Variants in CACNA2D3 observed in about 807,000 individuals in gnomAD.
CACNA2D3 encodes calcium voltage-gated channel auxiliary subunit alpha2delta 3.
Under a neutral mutation model 160.6 loss-of-function variants are expected in CACNA2D3, and 60 were observed. The ratio of observed to expected loss-of-function variants is 0.37; its 90% CI spans 0.30 to 0.46. The LOEUF is 0.46. Among genes scored for constraint, CACNA2D3 ranks in the 20% least tolerant of loss-of-function variants. The pLI is 1.00. For missense variants in CACNA2D3, 1,205 were observed against 1,365.0 expected, an observed-to-expected ratio of 0.88 and a Z score of 1.85; for synonymous variants, 558 against 492.9, an observed-to-expected ratio of 1.13 and a Z score of -1.75.
intron 3 of CACNA2D3, among the ~76,000 whole-genome samples, chr3:54,342,534 A>G (rs1253692903): frequency 6.6e-6 from 1 of 152,130 alleles, no homozygotes; most frequent in Non-Finnish European, 1.5e-5. Context: ...TCCCGGGTAC[A>G]GTGTGATTGG....
chr3:54,779,034 T>G (rs1702481506), intron 13 of CACNA2D3, among the ~76,000 whole-genome samples: 1 of 152,196 alleles, frequency 6.6e-6, no homozygotes, highest in African/African-American at 2.4e-5. Context: ...TGTGTCATTG[T>G]TAAGATAAAA....
At chr3:54,187,774 G>T (rs1047453883) in intron 2 of CACNA2D3, among the ~76,000 whole-genome samples, 1 of 152,070 alleles carries the variant, frequency 6.6e-6, no homozygotes, top group Non-Finnish European at 1.5e-5. Flanking sequence ...TGAATCCCTC[G>T]CATGCACAGT....
intron 2 of CACNA2D3, among the ~76,000 whole-genome samples, chr3:54,295,757 C>T (rs1259290744): frequency 1.3e-5 from 2 of 152,226 alleles, no homozygotes; most frequent in East Asian, 3.9e-4. Flanking sequence ...TGTGCCTGTC[C>T]CTTGTCCACA....
chr3:54,979,249 T>C (rs549592058), intron 29 of CACNA2D3, among the ~76,000 whole-genome samples: 9 of 152,012 alleles, frequency 5.9e-5, no homozygotes, highest in Non-Finnish European at 1.3e-4. Context: ...GTAGACAAGG[T>C]ATGAGGCTAG....
chr3:54,592,677 G>A (rs1702883207), intron 9 of CACNA2D3, among the ~76,000 whole-genome samples: 1 of 152,096 alleles, frequency 6.6e-6, no homozygotes, highest in African/African-American at 2.4e-5. Context: ...TAATGAAGAT[G>A]TCCTGAAATC....
intron 4 of CACNA2D3, among the ~76,000 whole-genome samples, chr3:54,464,580 A>C (rs567368370): frequency 1.2e-4 from 18 of 152,256 alleles, no homozygotes; most frequent in Middle Eastern, 3.4e-3. Context: ...CTCCGAGCCA[A>C]GTGCGGGATA....
chr3:54,901,460 G>A (rs1700330926), intron 27 of CACNA2D3, among the ~76,000 whole-genome samples: 1 of 152,180 alleles, frequency 6.6e-6, no homozygotes, highest in South Asian at 2.1e-4. Flanking sequence ...GTCTGAGCCT[G>A]AACACTGTGT....
At chr3:54,180,590 C>T (rs903389210) in intron 2 of CACNA2D3, among the ~76,000 whole-genome samples, 40 of 152,316 alleles carry the variant, frequency 2.6e-4, no homozygotes, top group African/African-American at 9.6e-4. Context: ...TTAGTCAGTT[C>T]TCCCAGCTGC....
chr3:54,151,029 GGATA>G (rs948734802), intron 2 of CACNA2D3, among the ~76,000 whole-genome samples: 11 of 151,894 alleles, frequency 7.2e-5, no homozygotes, highest in East Asian at 1.9e-4. Flanking sequence ...TAGGGATAGA[GGATA>G]GATGGATGGG....
intron 9 of CACNA2D3, among the ~76,000 whole-genome samples, chr3:54,582,712 G>A (rs541362703): frequency 1.3e-5 from 2 of 152,170 alleles, no homozygotes; most frequent in Non-Finnish European, 2.9e-5. Flanking sequence ...GTAGCTGGGG[G>A]CAATGGCCAA....
intron 2 of CACNA2D3, chr3:54,272,986 C>A (rs994057154): frequency 3.3e-5 from 5 of 152,318 alleles, no homozygotes; most frequent in African/African-American, 9.6e-5. Context: ...CCTTGGACCC[C>A]CTTGTTCTGA....
intron 35 of CACNA2D3, among the ~76,000 whole-genome samples, chr3:55,038,905 TATAC>T (rs1703894957): frequency 1.1e-5 from 1 of 92,156 alleles, no homozygotes; most frequent in Non-Finnish European, 2.3e-5. Flanking sequence ...TATATATATA[TATAC>T]ACACACTGAA....
intron 16 of CACNA2D3, among the ~76,000 whole-genome samples, chr3:54,845,101 A>C (rs1377965010): frequency 6.6e-6 from 1 of 152,256 alleles, no homozygotes; most frequent in African/African-American, 2.4e-5. Context: ...AGCATAATGA[A>C]ATATACTTTT....
intron 4 of CACNA2D3, among the ~76,000 whole-genome samples, chr3:54,412,054 T>G (rs891310305): frequency 6.6e-6 from 1 of 152,194 alleles, no homozygotes; most frequent in Non-Finnish European, 1.5e-5. Flanking sequence ...CATCATAAAT[T>G]AGTTTTATAT....
intron 13 of CACNA2D3, among the ~76,000 whole-genome samples, chr3:54,811,225 G>C (rs568304102): frequency 6.6e-6 from 1 of 152,256 alleles, no homozygotes; most frequent in Non-Finnish European, 1.5e-5. Context: ...TGAGCTCTTA[G>C]TGTTTTTCCT....
At chr3:54,209,413 G>C (rs1411156809) in intron 2 of CACNA2D3, among the ~76,000 whole-genome samples, 1 of 152,148 alleles carries the variant, frequency 6.6e-6, no homozygotes, top group Non-Finnish European at 1.5e-5. Context: ...TCATAGATGT[G>C]AGAGAACTTT....
chr3:54,876,088 G>A (rs1438528638), intron 18 of CACNA2D3, among the ~76,000 whole-genome samples: 5 of 151,924 alleles, frequency 3.3e-5, no homozygotes, highest in African/African-American at 9.7e-5. Context: ...ATTTTCCTCC[G>A]CCAGGCCATT....
chr3:54,317,145 A>G (rs1703881558), intron 2 of CACNA2D3, among the ~76,000 whole-genome samples: 1 of 152,136 alleles, frequency 6.6e-6, no homozygotes, highest in South Asian at 2.1e-4. Context: ...GCTCCTGGGA[A>G]TTTTAGCTCC....
At chr3:54,525,348 A>G (rs780900546) in intron 5 of CACNA2D3, among the ~76,000 whole-genome samples, 4 of 152,126 alleles carry the variant, frequency 2.6e-5, no homozygotes, top group Admixed American at 2.0e-4. Flanking sequence ...TATTTAGTCA[A>G]TTAAGAAAGG....
Sources: gnomAD v4.1 joint callset for allele counts (sites outside exome capture counted in the v4.1 genomes callset) on GRCh38, gnomAD v4.1.1 for gene constraint, MANE v1.5 for transcripts, NCBI Gene and HGNC (gene_info 2026-07-23, HGNC 2026-07-21) for gene names.